Variants in NALF1 observed in about 807,000 individuals in gnomAD.
The protein encoded by NALF1 is NALCN channel auxiliary factor 1, also known as family with sequence similarity 155 member A.
NALF1 carries 3 observed loss-of-function variants against 48.4 expected under a neutral mutation model. That is an observed-to-expected ratio of 0.06 (90% CI 0.03 to 0.16). NALF1 has a LOEUF of 0.16. Ranked by LOEUF, NALF1 falls within the 10% of genes least tolerant of loss-of-function variation. NALF1 has a pLI of 1.00. For synonymous variants in NALF1, 262 were observed against 245.7 expected (o/e 1.07, Z -0.62); for missense variants, 526 against 571.5 (o/e 0.92, Z 0.81).
At chr13:107,247,282 A>G (rs974564060) in intron 1 of NALF1, among the ~76,000 whole-genome samples, 1 of 152,206 alleles carries the variant, frequency 6.6e-6, no homozygotes, top group African/African-American at 2.4e-5. Flanking sequence ...AGTCAAGAAT[A>G]AAAATCCATT....
At chr13:107,770,164 C>G (rs546673023) in intron 1 of NALF1, among the ~76,000 whole-genome samples, 1 of 152,282 alleles carries the variant, frequency 6.6e-6, no homozygotes, top group Admixed American at 6.5e-5. Context: ...CCACCCGCCT[C>G]GGCCTCCCAA....
intron 1 of NALF1, among the ~76,000 whole-genome samples, chr13:107,821,432 A>T (rs1170004747): frequency 6.6e-6 from 1 of 152,202 alleles, no homozygotes; most frequent in African/African-American, 2.4e-5. Context: ...GAGGGCTCTA[A>T]GGCCATGTCG....
chr13:107,362,344 TGGA>T lies in NALF1; in HGVS notation c.916-151592_916-151590del, dbSNP rs1242447432. On this transcript the variant is annotated intron_variant, in intron 1 of 2. Coordinates refer to ENST00000375915, the MANE Select transcript of NALF1 (RefSeq NM_001080396.3). The surrounding 1 kb of genome is among the most constrained non-coding windows in gnomAD (Gnocchi z 4.6). ...AGAGAAATGCATTGTCCAACAGTGC[TGGA>T]GGAGAACAGTCTGAAATCAAGGTGG... Among the ~76,000 whole-genome samples the T allele has an allele frequency of 4.6e-5, 7 of 152,212 alleles. No individual in the cohort carries two copies. Among genetic ancestry groups the T allele is most frequent in the Non-Finnish European group, 8.8e-5 (6 of 68,042 alleles).
intron 1 of NALF1, among the ~76,000 whole-genome samples, chr13:107,308,492 A>G (rs571436798): frequency 1.3e-5 from 2 of 152,190 alleles, no homozygotes; most frequent in South Asian, 2.1e-4. Flanking sequence ...GTGAGTATCT[A>G]TGCTTTTCGG....
chr13:107,357,218 T>A lies in NALF1; in HGVS notation c.916-146463A>T, dbSNP rs544633088. 2.0e-5 allele frequency among the ~76,000 whole-genome samples: 3 copies of A among 152,240 alleles called. No homozygotes were observed. The East Asian group carries it at 5.8e-4, about 29-fold the overall frequency. On this transcript the variant is annotated intron_variant, in intron 1 of 2. Transcript: ENST00000375915. ...GGAGGCCCCAGGAAACTCACAATCA[T>A]GGCAGAAGGCAAACGGGAAGCAAGC...
chr13:107,572,886 C>T (rs572246592), intron 1 of NALF1, among the ~76,000 whole-genome samples: 33 of 152,272 alleles, frequency 2.2e-4, no homozygotes, highest in Middle Eastern at 3.4e-3. Context: ...CTCTCTTCTT[C>T]AAAACATGCC....
intron 1 of NALF1, among the ~76,000 whole-genome samples, chr13:107,305,902 T>C (rs768989023): frequency 6.6e-6 from 1 of 152,216 alleles, no homozygotes; most frequent in Non-Finnish European, 1.5e-5. Flanking sequence ...CACCAGAACA[T>C]CCATTTGTCA....
chr13:107,216,276 A>G (rs1261618279), intron 1 of NALF1, among the ~76,000 whole-genome samples: 1 of 152,234 alleles, frequency 6.6e-6, no homozygotes, highest in African/African-American at 2.4e-5. Context: ...GCATGTTGCT[A>G]CAGTTTTAAG....
At chr13:107,249,979 A>C (rs1206939273) in intron 1 of NALF1, among the ~76,000 whole-genome samples, 5 of 152,070 alleles carry the variant, frequency 3.3e-5, no homozygotes, top group Non-Finnish European at 5.9e-5. Flanking sequence ...ATGAGTTTTA[A>C]AATAAAATAA....
chr13:107,179,034 C>A (rs191019461), intron 2 of NALF1, among the ~76,000 whole-genome samples: 3 of 152,208 alleles, frequency 2.0e-5, no homozygotes, highest in African/African-American at 7.2e-5. Flanking sequence ...GAAAGGAGAT[C>A]AGGATACGGA....
chr13:107,421,614 A>G (rs1884190055), intron 1 of NALF1, among the ~76,000 whole-genome samples: 1 of 152,050 alleles, frequency 6.6e-6, no homozygotes, highest in Non-Finnish European at 1.5e-5. Context: ...AACATAGAAA[A>G]CCAGAAAGAC....
intron 1 of NALF1, among the ~76,000 whole-genome samples, chr13:107,763,253 CTCCCCAAGAATTAG>C (rs1232447279): frequency 1.3e-5 from 2 of 152,030 alleles, no homozygotes; most frequent in African/African-American, 4.8e-5. Flanking sequence ...CAACCTCCTC[CTCCCCAAGAATTAG>C]TCACCAATCA....
intron 1 of NALF1, among the ~76,000 whole-genome samples, chr13:107,245,858 T>C (rs1880571494): frequency 6.6e-6 from 1 of 152,178 alleles, no homozygotes; most frequent in Non-Finnish European, 1.5e-5. Flanking sequence ...TTTCTAATAC[T>C]GTGATTCTAC....
In NALF1 at chr13:107,310,704, G is replaced by A. The variant is rs141801844; in HGVS notation, c.916-99949C>T. On this transcript the variant is annotated intron_variant, in intron 1 of 2. Coordinates refer to ENST00000375915, the MANE Select transcript of NALF1 (RefSeq NM_001080396.3). ...TATTATTATTATTATTTTAGATGGA[G>A]TCTCACTCTGTCGCCCAGTCTGGAG... Among the ~76,000 whole-genome samples, 604 of 151,990 alleles carry A rather than the reference G, an allele frequency of 4.0e-3. 3 individuals carry two copies. Among genetic ancestry groups the A allele is most frequent in the African/African-American group, 0.014 (576 of 41,468 alleles).
rs149074459 is a variant in NALF1 at position 107,752,224 on chromosome 13, TTC to T, written c.915+113456_915+113457del. Reference sequence around the variant, plus strand: ...CAATAGATTGCCAATTCATTGAATTTTCTGTCTTTCACCATTGTATTAGCCAA... The same window carrying T: ...CAATAGATTGCCAATTCATTGAATTTTGTCTTTCACCATTGTATTAGCCAA... On this transcript the variant is annotated intron_variant, in intron 1 of 2. Transcript: ENST00000375915. 6.9e-3 allele frequency among the ~76,000 whole-genome samples: 1,054 copies of T among 152,268 alleles called. 7 individuals carry two copies. Among genetic ancestry groups the T allele is most frequent in the Non-Finnish European group, 0.011 (754 of 67,990 alleles).
chr13:107,620,710 T>C (rs1245080211), intron 1 of NALF1, among the ~76,000 whole-genome samples: 1 of 152,150 alleles, frequency 6.6e-6, no homozygotes, highest in Admixed American at 6.6e-5. Context: ...GTGACAGATA[T>C]ATATGGGCCT....
intron 1 of NALF1, among the ~76,000 whole-genome samples, chr13:107,229,042 C>G (rs1880165937): frequency 6.6e-6 from 1 of 152,056 alleles, no homozygotes; most frequent in Non-Finnish European, 1.5e-5. Context: ...CAACCAGCTT[C>G]TTAGAAGCTA....
chr13:107,667,075 T>G (rs562989923), intron 1 of NALF1, among the ~76,000 whole-genome samples: 1 of 152,234 alleles, frequency 6.6e-6, no homozygotes, highest in South Asian at 2.1e-4. Flanking sequence ...ATTATACTCG[T>G]GCATTTTTTA....
At chr13:107,177,274 AAATGTCCATACTACCCAAAGC>A (rs1878958868) in intron 2 of NALF1, among the ~76,000 whole-genome samples, 1 of 152,210 alleles carries the variant, frequency 6.6e-6, no homozygotes, top group African/African-American at 2.4e-5. Flanking sequence ...AGTATTGTTA[AAATGTCCATACTACCCAAAGC>A]AAGCTACAGA....
Sources: allele counts gnomAD v4.1 joint callset (sites outside exome capture counted in the v4.1 genomes callset), GRCh38; gene constraint gnomAD v4.1.1; non-coding constraint Gnocchi (gnomAD v3.1); transcripts MANE v1.5; gene names NCBI Gene and HGNC (gene_info 2026-07-23, HGNC 2026-07-21).